The following KIF3C variants were observed in gnomAD, a reference collection of about 807,000 sequenced individuals.
KIF3C encodes kinesin family member 3C, also known as kinesin-like protein KIF3C.
KIF3C carries 12 observed loss-of-function variants against 67.7 expected under a neutral mutation model. That is an observed-to-expected ratio of 0.18 (90% CI 0.11 to 0.29). The LOEUF is 0.29. KIF3C is among the 10% of genes least tolerant of loss of function. KIF3C has a pLI of 1.00. For synonymous variants in KIF3C, 393 were observed against 426.2 expected, an observed-to-expected ratio of 0.92 and a Z score of 0.96; for missense variants, 789 against 1,059.6, an observed-to-expected ratio of 0.74 and a Z score of 3.55.
At chr2:25,956,863 C>G (rs1366974608) in intron 1 of KIF3C, among the ~76,000 whole-genome samples, 1 of 152,174 alleles carries the variant, frequency 6.6e-6, no homozygotes, top group Non-Finnish European at 1.5e-5. Context: ...GCTTCCAACT[C>G]AGGAAGACAG....
chr2:25,948,352 C>A (rs372722928), intron 5 of KIF3C, among the ~76,000 whole-genome samples: 1 of 152,080 alleles, frequency 6.6e-6, no homozygotes, highest in East Asian at 1.9e-4. Flanking sequence ...CCGGACCTCA[C>A]GACCAGCCTA....
chr2:25,956,646 AG>A (rs1663813669), intron 1 of KIF3C, among the ~76,000 whole-genome samples: 1 of 152,180 alleles, frequency 6.6e-6, no homozygotes, highest in Non-Finnish European at 1.5e-5. Flanking sequence ...TATTGTCAGC[AG>A]GAACACTAGG....
At chr2:25,945,480 T>C (rs1243785838) in intron 5 of KIF3C, among the ~76,000 whole-genome samples, 1 of 145,394 alleles carries the variant, frequency 6.9e-6, no homozygotes, top group Non-Finnish European at 1.5e-5. Flanking sequence ...GGCATGAGAA[T>C]TGCTTGAACC....
chr2:25,946,119 TAAATAAAATA>T (rs1182218701), intron 5 of KIF3C, among the ~76,000 whole-genome samples: 2 of 151,788 alleles, frequency 1.3e-5, no homozygotes, highest in African/African-American at 2.4e-5. Flanking sequence ...TATCAAAAAA[TAAATAAAATA>T]AAATAAAATA....
At chr2:25,950,139 G>C (rs977556644) in intron 5 of KIF3C, among the ~76,000 whole-genome samples, 7 of 151,584 alleles carry the variant, frequency 4.6e-5, no homozygotes, top group African/African-American at 1.5e-4. Context: ...TGATCCACCC[G>C]CCTCGGCCTC....
chr2:25,939,228 A>C (rs1012200091), intron 5 of KIF3C, among the ~76,000 whole-genome samples: 1 of 152,080 alleles, frequency 6.6e-6, no homozygotes, highest in Non-Finnish European at 1.5e-5. Context: ...TTGGCCTCCC[A>C]AAGTGCTGGG....
rs527501654 is a variant in KIF3C at position 25,949,430 on chromosome 2, G to GA, written c.2006+2358dup. On this transcript the variant is annotated intron_variant, in intron 5 of 7. Transcript: ENST00000264712. ...CTCTACAAAAAATACCAAAAAAAAAGAAAAAAAAATTAGCTGGGAGGAGGA... is the reference window on the plus strand; with the variant it reads ...CTCTACAAAAAATACCAAAAAAAAAGAAAAAAAAAATTAGCTGGGAGGAGGA... 1.3e-3 allele frequency among the ~76,000 whole-genome samples: 197 copies of GA among 150,944 alleles called. 4 individuals carry two copies. In the South Asian group the frequency reaches 0.038, roughly 29 times the overall value.
chr2:25,962,896 AAT>A lies in KIF3C; in HGVS notation c.1546-6454_1546-6453del, dbSNP rs1277344479. 3.1e-4 allele frequency among the ~76,000 whole-genome samples: 19 copies of A among 61,632 alleles called. 1 individual carries two copies. Among genetic ancestry groups the A allele is most frequent in the Admixed American group, 2.0e-3 (6 of 2,932 alleles). The allele number at this position is 61,632 out of a possible 152,430, so 40.4% of individuals were successfully genotyped here. A position where few individuals can be genotyped will look rare whatever the true frequency, so the allele number is the denominator to read the frequency against. On this transcript the variant is annotated intron_variant, in intron 1 of 7. Transcript: ENST00000264712. ...AATATATAAAATATATATAATATAA[AAT>A]ATATATAATATATAATATATATAAT...
At position 25,982,161 on chromosome 2, in the gene KIF3C, G is replaced by C; in HGVS notation, c.-244C>G. 2.3e-6 allele frequency: 1 copy of C among 439,206 alleles called. No individual in the cohort carries two copies. The highest frequency in any genetic ancestry group is 4.0e-6 in the Non-Finnish European group (1 of 249,868). 27.2% of individuals were successfully genotyped at this position (439,206 alleles called of 1,614,324 possible). On this transcript the variant is annotated 5_prime_UTR_variant, in exon 1 of 8. Transcript: ENST00000264712. ...GTGAATTAGGCAGAATCCCCCAGTCGCCGCGGGAGCAGCGCCTGCCGAGCA... is the reference window on the plus strand; with the variant it reads ...GTGAATTAGGCAGAATCCCCCAGTCCCCGCGGGAGCAGCGCCTGCCGAGCA...
chr2:25,962,997 A>ATATAAT (rs1664028092), intron 1 of KIF3C, among the ~76,000 whole-genome samples: 4 of 35,844 alleles, frequency 1.1e-4, no homozygotes, highest in Admixed American at 1.2e-3. Context: ...TAATATATAT[A>ATATAAT]ATATATAATA....
At chr2:25,950,153 A>G (rs1471647891) in intron 5 of KIF3C, among the ~76,000 whole-genome samples, 2 of 151,486 alleles carry the variant, frequency 1.3e-5, no homozygotes, top group Non-Finnish European at 2.9e-5. Context: ...CGGCCTCCCA[A>G]AATGCTGGGA....
At chr2:25,944,584 C>G (rs1268624688) in intron 5 of KIF3C, among the ~76,000 whole-genome samples, 1 of 151,974 alleles carries the variant, frequency 6.6e-6, no homozygotes, top group Non-Finnish European at 1.5e-5. Flanking sequence ...TGCCTAGGCT[C>G]AAGCCATCTA....
At position 25,954,251 on chromosome 2, in the gene KIF3C, G is replaced by C; in HGVS notation, c.1889+16C>G. 2 of 1,594,564 alleles carry C rather than the reference G, an allele frequency of 1.3e-6. No individual in the cohort carries two copies. The highest frequency in any genetic ancestry group is 2.2e-5 in the East Asian group (1 of 44,782). On this transcript the variant is annotated intron_variant, in intron 4 of 7. Transcript: ENST00000264712. ...TGGCTGTGGGGACCCGGGATGAAAA[G>C]AGCTGCGGGCCCTACTTGAGCTTGA...
intron 1 of KIF3C, among the ~76,000 whole-genome samples, chr2:25,973,133 C>T (rs1664321860): frequency 6.6e-6 from 1 of 152,170 alleles, no homozygotes; most frequent in Non-Finnish European, 1.5e-5. Context: ...TTCTGAAGAT[C>T]ATCTGGTTCA....
rs1305689338 is a variant in KIF3C at position 25,981,564 on chromosome 2, C to A, written c.354G>T (p.Gly118=). ...TGTGCTCAAAGGCATTCGGGATGAC[C>A]CCGCGCAGCTCGGGCTCCACCCAGG... ...QGTWVEPELR[G]VIPNAFEHIF... The change falls in exon 1 of 8, where the codon GGG becomes GGT. Residue 118 remains glycine (G), a synonymous_variant. Coordinates refer to ENST00000264712, the MANE Select transcript of KIF3C (RefSeq NM_002254.8). This position sits in a 1 kb window ranked among gnomAD's most constrained non-coding sequence, Gnocchi z 8.2. 2 of 1,614,188 alleles carry A rather than the reference C, an allele frequency of 1.2e-6. No individual in the cohort carries two copies. The highest frequency in any genetic ancestry group is 8.5e-7 in the Non-Finnish European group (1 of 1,180,038).
At chr2:25,965,043 A>G (rs1044844111) in intron 1 of KIF3C, among the ~76,000 whole-genome samples, 5 of 152,204 alleles carry the variant, frequency 3.3e-5, no homozygotes, top group African/African-American at 1.2e-4. Context: ...GACGATGACT[A>G]ACTGGCCACT....
chr2:25,936,164 A>G (rs1663120344), intron 5 of KIF3C, among the ~76,000 whole-genome samples: 1 of 152,126 alleles, frequency 6.6e-6, no homozygotes, highest in Non-Finnish European at 1.5e-5. Context: ...CTGCCACAAT[A>G]TATTAATAAA....
At chr2:25,936,564 A>G (rs1384571539) in intron 5 of KIF3C, among the ~76,000 whole-genome samples, 1 of 152,202 alleles carries the variant, frequency 6.6e-6, no homozygotes, top group Non-Finnish European at 1.5e-5. Flanking sequence ...TATGCCTGCC[A>G]TCCAGTTTTG....
At chr2:25,949,406 T>G (rs1427257607) in intron 5 of KIF3C, among the ~76,000 whole-genome samples, 2 of 151,354 alleles carry the variant, frequency 1.3e-5, no homozygotes, top group Non-Finnish European at 2.9e-5. Context: ...AAACCCTGTC[T>G]CTACAAAAAA....
Sources: gnomAD v4.1 joint callset for allele counts (sites outside exome capture counted in the v4.1 genomes callset) on GRCh38, gnomAD v4.1.1 for gene constraint, Gnocchi (gnomAD v3.1) non-coding constraint, MANE v1.5 for transcripts, NCBI Gene and HGNC (gene_info 2026-07-23, HGNC 2026-07-21) for gene names.